Variants in KANK1 observed in about 807,000 individuals in gnomAD.
KANK1 encodes the protein KN motif and ankyrin repeat domains 1.
A neutral mutation model predicts 106.2 loss-of-function variants in KANK1; 109 were observed. That is an observed-to-expected ratio of 1.03 (90% CI 0.88 to 1.20). The LOEUF (loss-of-function observed/expected upper bound fraction) is 1.20. Ranked by LOEUF, KANK1 falls within the 50% of genes most tolerant of loss-of-function variation. The pLI is 0.00. For synonymous variants in KANK1, 873 were observed against 652.2 expected, an observed-to-expected ratio of 1.34 and a Z score of -5.16; for missense variants, 2,399 against 1,710.7, an observed-to-expected ratio of 1.40 and a Z score of -7.10.
intron 1 of KANK1, among the ~76,000 whole-genome samples, chr9:538,335 T>C (rs1259818774): frequency 6.6e-6 from 1 of 152,206 alleles, no homozygotes; most frequent in African/African-American, 2.4e-5. Context: ...AGGGCCCTGT[T>C]TTTTTGTAAA....
At position 730,170 on chromosome 9, in the gene KANK1, C is replaced by G; in HGVS notation, c.2818C>G (p.Leu940Val). The change falls in exon 4 of 12, where the codon CTG becomes GTG. Residue 940 changes from leucine (L) to valine (V), a missense_variant. Physicochemically the swap from Leu to Val is conservative, Grantham distance 32. Transcript: ENST00000382297. ...GTSEGKPISS[L>V]DAFPTQEGTL... is the part of the protein sequence containing the mutation. Reference sequence around the variant, plus strand: ...CTCAGAAGGAAAGCCAATCAGCAGCCTGGATGCCTTCCCCACTCAGGAAGG... The same window carrying G: ...CTCAGAAGGAAAGCCAATCAGCAGCGTGGATGCCTTCCCCACTCAGGAAGG... The G allele has an allele frequency of 1.2e-6, 2 of 1,614,208 alleles. No homozygotes were observed. The highest frequency in any genetic ancestry group is 1.7e-6 in the Non-Finnish European group (2 of 1,180,030).
chr9:624,548 A>G (rs1023318630), intron 1 of KANK1, among the ~76,000 whole-genome samples: 4 of 152,154 alleles, frequency 2.6e-5, no homozygotes, highest in African/African-American at 7.2e-5. Flanking sequence ...TCATGCCTGT[A>G]ATCCCAGCAC....
chr9:613,791 C>A (rs180725545), intron 1 of KANK1, among the ~76,000 whole-genome samples: 1 of 151,500 alleles, frequency 6.6e-6, no homozygotes, highest in East Asian at 1.9e-4. Flanking sequence ...TTGTGACTTT[C>A]TGTTGTAAAA....
chr9:513,987 A>C (rs191050845), intron 1 of KANK1, among the ~76,000 whole-genome samples: 279 of 151,374 alleles, frequency 1.8e-3, no homozygotes, highest in Non-Finnish European at 3.3e-3. Flanking sequence ...GCTGCATTCC[A>C]GCCTGGGTGA....
chr9:561,155 A>G (rs188133883), intron 1 of KANK1, among the ~76,000 whole-genome samples: 5 of 152,298 alleles, frequency 3.3e-5, no homozygotes, highest in Admixed American at 2.0e-4. Flanking sequence ...ATCGGGGTGG[A>G]AAGGAGAGCA....
At chr9:653,998 G>A (rs878914996) in intron 1 of KANK1, among the ~76,000 whole-genome samples, 1 of 152,218 alleles carries the variant, frequency 6.6e-6, no homozygotes, top group Admixed American at 6.5e-5. Flanking sequence ...TACAGCCAAA[G>A]ACTGTTCATT....
chr9:728,351 C>G (rs1174136915), intron 3 of KANK1, among the ~76,000 whole-genome samples: 2 of 152,168 alleles, frequency 1.3e-5, no homozygotes, highest in African/African-American at 4.8e-5. Context: ...GCACCCCCCA[C>G]CATGCGTGGC....
chr9:712,038 T>A lies in KANK1; in HGVS notation c.1272T>A (p.Asp424Glu). Residue 424 changes from aspartate (D) to glutamate (E), a missense_variant, in exon 3 of 12, where the codon GAT (aspartate) becomes GAA (glutamate). Physicochemically the swap from Asp to Glu is conservative, Grantham distance 45. Transcript: ENST00000382297. ...VYHRGSRSCK[D>E]AAVGTLVEMR... ...ACAGAGGCTCCAGGTCCTGTAAGGATGCAGCTGTAGGGACACTTGTTGAGA... is the reference window on the plus strand; with the variant it reads ...ACAGAGGCTCCAGGTCCTGTAAGGAAGCAGCTGTAGGGACACTTGTTGAGA... 7 of 1,614,170 alleles carry A rather than the reference T, an allele frequency of 4.3e-6. No individual in the cohort carries two copies. Among genetic ancestry groups the A allele is most frequent in the Non-Finnish European group, 5.1e-6 (6 of 1,180,036 alleles).
intron 1 of KANK1, among the ~76,000 whole-genome samples, chr9:593,326 C>G (rs1445163150): frequency 6.6e-6 from 1 of 151,610 alleles, no homozygotes; most frequent in East Asian, 1.9e-4. Flanking sequence ...ATAAAACATA[C>G]AGACAAAAAA....
Position 732,426 on chromosome 9 carries a change from T to C in KANK1, c.3054T>C (p.Ser1018=). The C allele has an allele frequency of 1.2e-6, 2 of 1,614,140 alleles. No individual in the cohort carries two copies. Among genetic ancestry groups the C allele is most frequent in the South Asian group, 1.1e-5 (1 of 91,070 alleles). The change falls in exon 6 of 12, where the codon TCT becomes TCC. Residue 1018 remains serine (S), a synonymous_variant. Transcript: ENST00000382297. ...SDDSSSDESS[S]SESDDECDVI... ...ATTCCAGCTCAGATGAAAGCTCTTCTTCCGAGTCAGATGACGAGTGTGATG... is the reference window on the plus strand; with the variant it reads ...ATTCCAGCTCAGATGAAAGCTCTTCCTCCGAGTCAGATGACGAGTGTGATG...
At chr9:481,715 G>A (rs2058208198) in intron 3 of KANK1, among the ~76,000 whole-genome samples, 1 of 151,964 alleles carries the variant, frequency 6.6e-6, no homozygotes, top group Non-Finnish European at 1.5e-5. Flanking sequence ...GAACAAATAG[G>A]TCTGACATAG....
chr9:728,751 C>T (rs182550082), intron 3 of KANK1, among the ~76,000 whole-genome samples: 1 of 152,312 alleles, frequency 6.6e-6, no homozygotes, highest in African/African-American at 2.4e-5. Flanking sequence ...GTCTTCACAA[C>T]CCCTTATCTT....
At chr9:649,581 T>G (rs1359220792) in intron 1 of KANK1, among the ~76,000 whole-genome samples, 1 of 152,222 alleles carries the variant, frequency 6.6e-6, no homozygotes, top group South Asian at 2.1e-4. Flanking sequence ...GGTTTCCTAA[T>G]GAGCTGTTAA....
Position 607,995 on chromosome 9 carries a change from G to C in KANK1, c.-83-68895G>C, listed in dbSNP as rs1430501978. ...AGTACCATGGAATCTTTGAAGGAAA[G>C]ACTAAAAAACTTTCAGAATTATTAT... On this transcript the variant is annotated intron_variant, in intron 1 of 11. Transcript: ENST00000382297. Among the ~76,000 whole-genome samples the C allele has an allele frequency of 1.3e-5, 2 of 148,446 alleles. 1 individual carries two copies. Among genetic ancestry groups the C allele is most frequent in the African/African-American group, 5.0e-5 (2 of 39,824 alleles).
At chr9:679,154 G>A (rs1817006718) in intron 2 of KANK1, among the ~76,000 whole-genome samples, 1 of 152,136 alleles carries the variant, frequency 6.6e-6, no homozygotes. Flanking sequence ...GACTTTCAGG[G>A]TGTCAGAGTA....
At chr9:498,210 T>C (rs1408382897) in intron 3 of KANK1, among the ~76,000 whole-genome samples, 1 of 152,228 alleles carries the variant, frequency 6.6e-6, no homozygotes, top group East Asian at 1.9e-4. Flanking sequence ...GTTGGGCTAT[T>C]GCTATTTGCA....
At chr9:744,744 CCCCG>C in intron 11 of KANK1, 155 bp downstream of exon 11, 1 of 1,516,880 alleles carries the variant, frequency 6.6e-7, no homozygotes, top group Admixed American at 2.1e-5. Flanking sequence ...TCCGCCTCCA[CCCCG>C]CAAAAAGCAG....
At chr9:558,761 G>A (rs960741172) in intron 1 of KANK1, 1 of 152,046 alleles carries the variant, frequency 6.6e-6, no homozygotes, top group Non-Finnish European at 1.5e-5. Context: ...AGAACAAAGA[G>A]TGTAGGCTGG....
intron 5 of KANK1, 116 bp from the exon 6 acceptor site, chr9:732,262 T>A (rs1435638796): frequency 3.1e-6 from 4 of 1,278,168 alleles, no homozygotes; most frequent in Non-Finnish European, 3.2e-6. Context: ...AAGTGCAGGA[T>A]CTAAAACCAC....
Sources: allele counts gnomAD v4.1 joint callset (sites outside exome capture counted in the v4.1 genomes callset), GRCh38; gene constraint gnomAD v4.1.1; transcripts MANE v1.5; gene names NCBI Gene and HGNC (gene_info 2026-07-23, HGNC 2026-07-21).